The following ZNF630 variants were observed in gnomAD, a reference collection of about 807,000 sequenced individuals.
The protein encoded by ZNF630 is dJ54B20.2 (novel KRAB box containing C2H2 type zinc finger protein).
Under a neutral mutation model 7.2 loss-of-function variants are expected in ZNF630, and 5 were observed. The ratio of observed to expected loss-of-function variants is 0.70; its 90% CI spans 0.36 to 1.46. The LOEUF is 1.46. Ranked by LOEUF, ZNF630 falls within the 40% of genes most tolerant of loss-of-function variation. ZNF630 has a pLI of 0.03. For missense variants in ZNF630, 461 were observed against 477.0 expected (o/e 0.97, Z 0.31); for synonymous variants, 158 against 162.8 (o/e 0.97, Z 0.23).
Position 48,063,212 on chromosome X carries a change from A to T in ZNF630, c.16-2267T>A, listed in dbSNP as rs190958643. The stretch of plus-strand genomic sequence containing the variant: ...AAATACCTTCCCTGAAGGAGTTTGT[A>T]TTCTAGTGAGGGGAGACAGACAAAA... On this transcript the variant is annotated intron_variant, in intron 2 of 4. Transcript: ENST00000276054. Among the ~76,000 whole-genome samples, 206 of 101,615 alleles carry T rather than the reference A, an allele frequency of 2.0e-3. 2 individuals carry two copies. Among genetic ancestry groups the T allele is most frequent in the Middle Eastern group, 5.0e-3 (1 of 202 alleles). 88.2% of individuals were successfully genotyped at this position (101,615 alleles called of 115,157 possible).
At position 48,058,122 on chromosome X, in the gene ZNF630, T is replaced by C. The variant is rs1179215684; in HGVS notation, c.*346A>G. ...AAAATATGGAAAAAATAGAGAAAGA[T>C]GACAAAGAGATACCCTTCAAATAAT... On this transcript the variant is annotated 3_prime_UTR_variant, in exon 5 of 5. Transcript: ENST00000276054. 2.4e-5 allele frequency: 4 copies of C among 165,103 alleles called. No individual in the cohort carries two copies. Among genetic ancestry groups the C allele is most frequent in the Non-Finnish European group, 3.4e-5 (3 of 88,695 alleles). The allele number at this position is 165,103 out of a possible 1,213,427, so 13.6% of individuals were successfully genotyped here. A position where few individuals can be genotyped will look rare whatever the true frequency, so the allele number is the denominator to read the frequency against.
chrX:48,062,166 C>T (rs1298974513), intron 2 of ZNF630, among the ~76,000 whole-genome samples: 1 of 111,552 alleles, frequency 9.0e-6, no homozygotes, highest in East Asian at 2.8e-4. Flanking sequence ...AGCAGGCATA[C>T]TCAAATTGTC....
At chrX:48,060,379 A>C in intron 4 of ZNF630, 71 bp downstream of exon 4, 1 of 1,062,301 alleles carries the variant, frequency 9.4e-7, no homozygotes, top group Non-Finnish European at 1.3e-6. Flanking sequence ...GGAAGAAAAA[A>C]GGTAACGGAT....
chrX:48,058,484 G>A lies in ZNF630; in HGVS notation c.1958C>T (p.Thr653Ile). The change falls in exon 5 of 5, where the codon ACC becomes ATC. Residue 653 changes from threonine (T) to isoleucine (I), a missense_variant. By Grantham distance (89) the Thr-to-Ile change is moderately conservative. Transcript: ENST00000276054. ...TGHQNPYRKD[T>I]LYIC is the part of the protein sequence containing the mutation. The stretch of plus-strand genomic sequence containing the variant: ...TTCCCACAATCAGCATATATACAAG[G>A]TGTCTTTCCTATATGGATTCTGATG... 8.5e-7 allele frequency: 1 copy of A among 1,181,223 alleles called. No individual in the cohort carries two copies. Among genetic ancestry groups the A allele is most frequent in the South Asian group, 1.9e-5 (1 of 51,524 alleles).
intron 2 of ZNF630, among the ~76,000 whole-genome samples, chrX:48,061,146 TAATA>T (rs2059103767): frequency 9.0e-6 from 1 of 110,964 alleles, no homozygotes; most frequent in Non-Finnish European, 1.9e-5. Flanking sequence ...ATTTAATATA[TAATA>T]AAGGTAGCAT....
chrX:48,063,462 T>C (rs2059116359), intron 2 of ZNF630, among the ~76,000 whole-genome samples: 1 of 111,040 alleles, frequency 9.0e-6, no homozygotes, highest in Non-Finnish European at 1.9e-5. Context: ...TAATGCTTAA[T>C]CATAAAAACA....
At chrX:48,070,089 ACCTCGTGATCCGGCCG>A (rs2059153349) in intron 1 of ZNF630, among the ~76,000 whole-genome samples, 1 of 105,449 alleles carries the variant, frequency 9.5e-6, no homozygotes, top group Non-Finnish European at 1.9e-5. Context: ...CGATTTCCTG[ACCTCGTGATCCGGCCG>A]CCTCGGCCTC....
Position 48,059,370 on chromosome X carries a change from G to A in ZNF630, c.1072C>T (p.Gln358Ter), listed in dbSNP as rs376580364. ...ECFECPKAFSQKSHLIIHQRV... is the reference protein window; with the variant it reads ...ECFECPKAFS Reference sequence around the variant, plus strand: ...TGATGTATAATTAGATGTGACTTCTGGGAGAAAGCTTTTGGACACTCAAAA... The same window carrying A: ...TGATGTATAATTAGATGTGACTTCTAGGAGAAAGCTTTTGGACACTCAAAA... The change falls in exon 5 of 5, where the codon CAG (glutamine) becomes TAG (stop). Residue 358 changes from glutamine (Q) to a stop codon, truncating the protein, a stop_gained. Transcript: ENST00000276054. LOFTEE classifies it low-confidence loss of function (END_TRUNC). 15 of 1,206,087 alleles carry A rather than the reference G, an allele frequency of 1.2e-5. No individual in the cohort carries two copies. Among genetic ancestry groups the A allele is most frequent in the African/African-American group, 1.8e-5 (1 of 56,661 alleles).
At chrX:48,061,230 C>T (rs2059104165) in intron 2 of ZNF630, among the ~76,000 whole-genome samples, 1 of 111,036 alleles carries the variant, frequency 9.0e-6, no homozygotes, top group Non-Finnish European at 1.9e-5. Flanking sequence ...ACTGGATTCC[C>T]TACCTCACAC....
chrX:48,066,843 G>C (rs2059133258), intron 2 of ZNF630, 29 bp downstream of exon 2: 1 of 1,204,202 alleles, frequency 8.3e-7, no homozygotes, highest in Admixed American at 2.2e-5. Context: ...TTTGTTGTGG[G>C]AAAACCAAGT....
At chrX:48,062,707 C>T (rs1295784992) in intron 2 of ZNF630, among the ~76,000 whole-genome samples, 1 of 110,862 alleles carries the variant, frequency 9.0e-6, no homozygotes, top group South Asian at 3.7e-4. Flanking sequence ...GCACTCAAGC[C>T]TGGGCGACAG....
intron 1 of ZNF630, among the ~76,000 whole-genome samples, chrX:48,068,676 T>A (rs1021983948): frequency 9.0e-6 from 1 of 111,099 alleles, no homozygotes; most frequent in East Asian, 2.8e-4. Flanking sequence ...TTTGGCCCAC[T>A]GCCCAGTTTT....
intron 2 of ZNF630, chrX:48,061,770 C>A (rs782289491): frequency 1.1e-4 from 34 of 321,619 alleles, no homozygotes; most frequent in South Asian, 8.6e-4. Flanking sequence ...TCTCCTGCCA[C>A]CATGTGAAGA....
At chrX:48,070,315 T>C (rs1187363037) in intron 1 of ZNF630, among the ~76,000 whole-genome samples, 2 of 107,748 alleles carry the variant, frequency 1.9e-5, no homozygotes, top group Non-Finnish European at 3.8e-5. Flanking sequence ...TCAGAATATA[T>C]AAAAACAATT....
intron 2 of ZNF630, among the ~76,000 whole-genome samples, chrX:48,062,472 G>A (rs1418659645): frequency 8.0e-5 from 9 of 112,608 alleles, no homozygotes; most frequent in Non-Finnish European, 1.3e-4. Flanking sequence ...GGTGGCTCAC[G>A]CCTGTAATCC....
At position 48,059,389 on chromosome X, in the gene ZNF630, C is replaced by A. The variant is rs1556908599; in HGVS notation, c.1053G>T (p.Glu351Asp). ...ACTTCTGGGAGAAAGCTTTTGGACACTCAAAACACTCATAGGGTTTCTCTC... is the reference window on the plus strand; with the variant it reads ...ACTTCTGGGAGAAAGCTTTTGGACAATCAAAACACTCATAGGGTTTCTCTC... ...HTGEKPYECF[E>D]CPKAFSQKSH... is the part of the protein sequence containing the mutation. Residue 351 changes from glutamate to aspartate, a missense_variant, in exon 5 of 5, where the codon GAG (glutamate) becomes GAT (aspartate). Transcript: ENST00000276054. The A allele has an allele frequency of 8.3e-7, 1 of 1,207,322 alleles. No homozygotes were observed. The highest frequency in any genetic ancestry group is 1.8e-5 in the South Asian group (1 of 56,823).
chrX:48,068,675 C>T (rs2059145325), intron 1 of ZNF630, among the ~76,000 whole-genome samples: 1 of 110,870 alleles, frequency 9.0e-6, no homozygotes, highest in Non-Finnish European at 1.9e-5. Context: ...ATTTGGCCCA[C>T]TGCCCAGTTT....
At position 48,060,969 on chromosome X, in the gene ZNF630, A is replaced by G. The variant is rs781911838; in HGVS notation, c.16-24T>C. 1.1e-5 allele frequency: 13 copies of G among 1,170,287 alleles called. No homozygotes were observed. The East Asian group carries it at 3.9e-4, about 35-fold the overall frequency. On this transcript the variant is annotated intron_variant, in intron 2 of 4. Coordinates refer to ENST00000276054, the MANE Select transcript of ZNF630 (RefSeq NM_001282201.2). Reference sequence around the variant, plus strand: ...TCCTATAACAGCACATTCCTGTACAATCTGCTCGTTCTGGTCATTTTTACC... The same window carrying G: ...TCCTATAACAGCACATTCCTGTACAGTCTGCTCGTTCTGGTCATTTTTACC...
In ZNF630 at chrX:48,058,383, G is replaced by T; in HGVS notation, c.*85C>A. The T allele has an allele frequency of 4.2e-6, 4 of 949,785 alleles. No individual in the cohort carries two copies. The highest frequency in any genetic ancestry group is 4.3e-6 in the Non-Finnish European group (3 of 700,431). 78.3% of individuals were successfully genotyped at this position (949,785 alleles called of 1,213,427 possible). The stretch of plus-strand genomic sequence containing the variant: ...GAGGAACATATTAGTCTATTCTACA[G>T]TTGAGAAGTTGTCACTATTTCTATT... On this transcript the variant is annotated 3_prime_UTR_variant, in exon 5 of 5. Coordinates refer to ENST00000276054, the MANE Select transcript of ZNF630 (RefSeq NM_001282201.2).
Sources: gnomAD v4.1 joint callset for allele counts (sites outside exome capture counted in the v4.1 genomes callset) on GRCh38, gnomAD v4.1.1 for gene constraint, MANE v1.5 for transcripts, NCBI Gene and HGNC (gene_info 2026-07-23, HGNC 2026-07-21) for gene names.